Variants in ITGAE observed in about 807,000 individuals in gnomAD.
ITGAE encodes the protein integrin subunit alpha E, also known as integrin alpha-E.
Under a neutral mutation model 136.5 loss-of-function variants are expected in ITGAE, and 99 were observed. The ratio of observed to expected loss-of-function variants is 0.73; its 90% CI spans 0.62 to 0.86. The LOEUF is 0.86. Among genes scored for constraint, ITGAE ranks in the 40% least tolerant of loss-of-function variants. The probability of loss-of-function intolerance (pLI) is 0.00; values close to 1 mark genes in which losing one functional copy is unlikely to be tolerated. For synonymous variants in ITGAE, 613 were observed against 591.8 expected, an observed-to-expected ratio of 1.04 and a Z score of -0.52; for missense variants, 1,447 against 1,515.3, an observed-to-expected ratio of 0.95 and a Z score of 0.75.
intron 14 of ITGAE, 121 bp from the exon 15 acceptor site, chr17:3,751,995 G>A (rs184624917): frequency 6.1e-6 from 5 of 825,978 alleles, no homozygotes; most frequent in East Asian, 2.6e-5. Context: ...CAGGATGCAC[G>A]CTCGCTGGGC....
At chr17:3,738,963 C>G (rs1308360830) in intron 20 of ITGAE, 1 of 152,304 alleles carries the variant, frequency 6.6e-6, no homozygotes, top group Non-Finnish European at 1.5e-5. Flanking sequence ...GACTTCCCAG[C>G]TCACAGCAAA....
chr17:3,752,307 TGCCAGGTACACTTGA>T (rs2051891053), intron 14 of ITGAE, among the ~76,000 whole-genome samples: 1 of 152,184 alleles, frequency 6.6e-6, no homozygotes, highest in Admixed American at 6.5e-5. Flanking sequence ...GCCACACACA[TGCCAGGTACACTTGA>T]GCAAGTCTCG....
rs956732831 is a variant in ITGAE, at chr17:3,714,862, G to C, written c.3525C>G (p.Leu1175=). 2.5e-6 allele frequency: 4 copies of C among 1,605,394 alleles called. 1 individual carries two copies. The South Asian group carries it at 4.4e-5, about 18-fold the overall frequency. ...ATAGCAGGTCCTAATTCTCTTCTTC[G>C]AGCAGATTCTCTGATTTCAGCTGGG... ...RKAQLKSENL[L]EEEN is the part of the protein sequence containing the mutation. Residue 1175 remains leucine, a synonymous_variant, in exon 31 of 31, where the codon CTC becomes CTG. Transcript: ENST00000263087.
chr17:3,767,637 T>C (rs1455537626), intron 2 of ITGAE, among the ~76,000 whole-genome samples: 1 of 152,166 alleles, frequency 6.6e-6, no homozygotes, highest in Non-Finnish European at 1.5e-5. Context: ...GGTTTGTTTG[T>C]TTTTTAGGTA....
chr17:3,716,865 A>G, intron 29 of ITGAE, 67 bp from the exon 30 acceptor site: 1 of 898,058 alleles, frequency 1.1e-6, no homozygotes, highest in East Asian at 2.4e-5. Context: ...CCTACATGTT[A>G]TTTTAAGGAG....
intron 26 of ITGAE, chr17:3,724,137 GA>G (rs767552223): frequency 4.1e-5 from 66 of 1,595,408 alleles, no homozygotes; most frequent in Non-Finnish European, 5.5e-5. Context: ...CGATCCCGAC[GA>G]CCCCGACTTC....
rs759665025 is a variant in ITGAE at position 3,757,831 on chromosome 17, A to C, written c.895T>G (p.Ser299Ala). 6.2e-7 allele frequency: 1 copy of C among 1,614,128 alleles called. No homozygotes were observed. Among genetic ancestry groups the C allele is most frequent in the East Asian group, 2.2e-5 (1 of 44,882 alleles). Residue 299 changes from serine (S) to alanine (A), a missense_variant, in exon 9 of 31, where the codon TCC (serine) becomes GCC (alanine). Ser to Ala is a moderately conservative substitution (Grantham distance 99). Coordinates refer to ENST00000263087, the MANE Select transcript of ITGAE (RefSeq NM_002208.5). Reference protein sequence around the residue: ...LDSIFTSSHGSRRKASKVMVV... With the variant: ...LDSIFTSSHGARRKASKVMVV... Reference sequence around the variant, plus strand: ...ATGACCTTGGATGCCTTTCTCCTGGAGCCGTGGCTTGAGGTGAAGATGCTG... The same window carrying C: ...ATGACCTTGGATGCCTTTCTCCTGGCGCCGTGGCTTGAGGTGAAGATGCTG...
chr17:3,724,087 A>ACGCCAGCATCGG, intron 26 of ITGAE: 1 of 1,595,970 alleles, frequency 6.3e-7, no homozygotes, highest in Middle Eastern at 1.7e-4. Flanking sequence ...GGCAGCAGCG[A>ACGCCAGCATCGG]CGCCAGCATC....
rs1259492794 is a variant in ITGAE at position 3,739,849 on chromosome 17, C to T, written c.2478G>A (p.Lys826=). ...QLPYEKACKN[K]LFCVAELQLA... ...ACTGTAATTCTGCGACACAAAACAGCTTATTCTTGCAGGCCTTCTCATAGG... is the reference window on the plus strand; with the variant it reads ...ACTGTAATTCTGCGACACAAAACAGTTTATTCTTGCAGGCCTTCTCATAGG... Residue 826 remains lysine, a synonymous_variant, in exon 20 of 31, where the codon AAG becomes AAA. Transcript: ENST00000263087. 3.7e-6 allele frequency: 6 copies of T among 1,614,194 alleles called. No homozygotes were observed. The highest frequency in any genetic ancestry group is 5.1e-6 in the Non-Finnish European group (6 of 1,180,010).
chr17:3,790,788 C>T (rs1310942858), intron 1 of ITGAE, among the ~76,000 whole-genome samples: 13 of 152,248 alleles, frequency 8.5e-5, no homozygotes, highest in African/African-American at 2.6e-4. Flanking sequence ...GCACTCCAGA[C>T]GGAGAGCCAC....
At chr17:3,795,631 G>A (rs1207004288) in intron 1 of ITGAE, among the ~76,000 whole-genome samples, 2 of 152,256 alleles carry the variant, frequency 1.3e-5, no homozygotes, top group Non-Finnish European at 2.9e-5. Flanking sequence ...AGAGGCCAGG[G>A]TCACAAATGG....
At chr17:3,752,886 C>A (rs1390904360) in intron 14 of ITGAE, among the ~76,000 whole-genome samples, 2 of 150,194 alleles carry the variant, frequency 1.3e-5, no homozygotes, top group East Asian at 4.0e-4. Context: ...CCTGTCTCTA[C>A]CAAAAATATA....
At position 3,724,895 on chromosome 17, in the gene ITGAE, G is replaced by A. The variant is rs529373399; in HGVS notation, c.3085-1151C>T. Reference sequence around the variant, plus strand: ...AGCATCAGGAGGCCAGTGTTCCCAAGGGCCGCATTGTGCCAAGGGGAATAG... The same window carrying A: ...AGCATCAGGAGGCCAGTGTTCCCAAAGGCCGCATTGTGCCAAGGGGAATAG... On this transcript the variant is annotated intron_variant, in intron 26 of 30. Coordinates refer to ENST00000263087, the MANE Select transcript of ITGAE (RefSeq NM_002208.5). 5.3e-5 allele frequency: 86 copies of A among 1,613,528 alleles called. No homozygotes were observed. In the South Asian group the frequency reaches 9.1e-4, roughly 17 times the overall value.
chr17:3,794,017 C>T (rs867451933), intron 1 of ITGAE, among the ~76,000 whole-genome samples: 90 of 132,732 alleles, frequency 6.8e-4, no homozygotes, highest in African/African-American at 2.4e-3. Flanking sequence ...TTGCTATTGT[C>T]GCCCAGGCTG....
At chr17:3,754,914 T>C (rs1389861448) in intron 12 of ITGAE, among the ~76,000 whole-genome samples, 1 of 19,990 alleles carries the variant, frequency 5.0e-5, no homozygotes, top group Non-Finnish European at 9.6e-5. Context: ...TGCCCCGCCC[T>C]CACCCAGGTA....
chr17:3,716,627 G>T, intron 30 of ITGAE, 61 bp downstream of exon 30: 1 of 1,046,398 alleles, frequency 9.6e-7, no homozygotes, highest in Non-Finnish European at 1.5e-6. Context: ...GTCCTAAGGA[G>T]TTCTGTGCCC....
In ITGAE at chr17:3,723,326, T is replaced by C; in HGVS notation, c.3199A>G (p.Thr1067Ala). Reference sequence around the variant, plus strand: ...TCCCAGGAGATCTCTGCAGCCACGGTGACATTTTCTTTATCTGAAGCGATG... The same window carrying C: ...TCCCAGGAGATCTCTGCAGCCACGGCGACATTTTCTTTATCTGAAGCGATG... ...CVIASDKENV[T>A]VAAEISWDHS... The change falls in exon 28 of 31, where the codon ACC becomes GCC. Residue 1067 changes from threonine (T) to alanine (A), a missense_variant. By Grantham distance (58) the Thr-to-Ala change is moderately conservative. This residue lies in a region of ITGAE where 1,031 missense variants were observed against 1,011.4 expected (regional missense o/e 1.02). Transcript: ENST00000263087. 2.5e-6 allele frequency: 4 copies of C among 1,613,860 alleles called. No homozygotes were observed. The highest frequency in any genetic ancestry group is 2.5e-6 in the Non-Finnish European group (3 of 1,179,738).
chr17:3,800,680 C>T lies in ITGAE; in HGVS notation c.34+431G>A. ...ACACTTGCCCCCAGTCTCTGGTCAA[C>T]ACTCTCTCACAGGGTCCTCACCCTC... On this transcript the variant is annotated intron_variant, in intron 1 of 30. Transcript: ENST00000263087. Among the ~76,000 whole-genome samples, 2 of 152,202 alleles carry T rather than the reference C, an allele frequency of 1.3e-5. 1 individual carries two copies. The highest frequency in any genetic ancestry group is 3.8e-4 in the East Asian group (2 of 5,198).
In ITGAE at chr17:3,764,724, G is replaced by A. The variant is rs991267442; in HGVS notation, c.156-764C>T. ...AAATAAATAAATAAATAAAAGAACT[G>A]GAGGTTTGGGGGTGGCTGCCTCAGC... On this transcript the variant is annotated intron_variant, in intron 2 of 30. Coordinates refer to ENST00000263087, the MANE Select transcript of ITGAE (RefSeq NM_002208.5). Among the ~76,000 whole-genome samples, 41 of 152,086 alleles carry A rather than the reference G, an allele frequency of 2.7e-4. 1 individual carries two copies. Among genetic ancestry groups the A allele is most frequent in the African/African-American group, 8.9e-4 (37 of 41,418 alleles).
Sources: allele counts gnomAD v4.1 joint callset (sites outside exome capture counted in the v4.1 genomes callset), GRCh38; gene constraint gnomAD v4.1.1; regional missense constraint gnomAD v4.1.1; transcripts MANE v1.5; gene names NCBI Gene and HGNC (gene_info 2026-07-23, HGNC 2026-07-21).